The following PRKDC variants were observed in gnomAD, a reference collection of about 807,000 sequenced individuals.
PRKDC encodes the protein DNA-dependent protein kinase catalytic subunit.
Under a neutral mutation model 486.9 loss-of-function variants are expected in PRKDC, and 82 were observed. That is an observed-to-expected ratio of 0.17 (90% CI 0.14 to 0.20). The LOEUF is 0.20. Ranked by LOEUF, PRKDC falls within the 10% of genes least tolerant of loss-of-function variation. The probability of loss-of-function intolerance (pLI) is 1.00; values close to 1 mark genes in which losing one functional copy is unlikely to be tolerated. For synonymous variants in PRKDC, 1,895 were observed against 1,837.0 expected (o/e 1.03, Z -0.81); for missense variants, 4,504 against 5,038.2 (o/e 0.89, Z 3.21).
At chr8:47,851,563 C>T (rs899379749) in intron 52 of PRKDC, among the ~76,000 whole-genome samples, 1 of 152,214 alleles carries the variant, frequency 6.6e-6, no homozygotes, top group Non-Finnish European at 1.5e-5. Flanking sequence ...TGAGCCTCTC[C>T]TCATCCAGCC....
chr8:47,848,898 C>A (rs2088336218), intron 54 of PRKDC, among the ~76,000 whole-genome samples: 1 of 152,144 alleles, frequency 6.6e-6, no homozygotes, highest in Non-Finnish European at 1.5e-5. Context: ...ACCCCATAGG[C>A]CACCTCCTTC....
In PRKDC at chr8:47,935,740, C is replaced by G; in HGVS notation, c.1439G>C (p.Ser480Thr). Residue 480 changes from serine to threonine, a missense_variant, in exon 13 of 86, where the codon AGT (serine) becomes ACT (threonine). Physicochemically the swap from Ser to Thr is moderately conservative, Grantham distance 58 (BLOSUM62 1). This residue lies in a region of PRKDC where 1,969 missense variants were observed against 2,068.9 expected (regional missense o/e 0.95). Coordinates refer to ENST00000314191, the MANE Select transcript of PRKDC (RefSeq NM_006904.7). ...AKGPVLRNCI[S>T]TVVHQGLIRI... ...ATAAATTGCAAACTTACCCACAGTACTAATGCAATTCCTGAGAACTGGCCC... is the reference window on the plus strand; with the variant it reads ...ATAAATTGCAAACTTACCCACAGTAGTAATGCAATTCCTGAGAACTGGCCC... 1 of 1,613,774 alleles carries G rather than the reference C, an allele frequency of 6.2e-7. No individual in the cohort carries two copies. The highest frequency in any genetic ancestry group is 8.5e-7 in the Non-Finnish European group (1 of 1,179,804).
rs56080897 is a variant in PRKDC at position 47,890,319 on chromosome 8, C to T, written c.4009G>A (p.Val1337Ile). Residue 1337 changes from valine (V) to isoleucine (I), a missense_variant, in exon 32 of 86, where the codon GTT becomes ATT. This residue lies in a region of PRKDC where 1,969 missense variants were observed against 2,068.9 expected (regional missense o/e 0.95). Coordinates refer to ENST00000314191, the MANE Select transcript of PRKDC (RefSeq NM_006904.7). ...GTAAACTCCATAATCCGGACCACAA[C>T]GGTGCATTTGCTGTAGTTGTACCTT... ...GERYNYSKCT[V>I]VVRIMEFTTT... The T allele has an allele frequency of 1.6e-3, 2,620 of 1,613,286 alleles. 3 individuals are homozygous for T. Among genetic ancestry groups the T allele is most frequent in the Non-Finnish European group, 2.0e-3 (2,408 of 1,179,826 alleles).
intron 39 of PRKDC, among the ~76,000 whole-genome samples, chr8:47,878,103 G>GTTTT (rs1279419423): frequency 7.9e-6 from 1 of 126,592 alleles, no homozygotes; most frequent in Non-Finnish European, 1.7e-5. Context: ...TTTTTTTTAG[G>GTTTT]TTTTTTTTTT....
chr8:47,933,083 G>A lies in PRKDC; in HGVS notation c.1713C>T (p.Ser571=), dbSNP rs373088662. The part of the protein sequence containing the change: ...NHLLYDEFVK[S]VLKIVEKLDL... ...CCAATTTCTCAACAATCTTCAAAAC[G>A]GATTTTACAAATTCATCATAAAGTA... Residue 571 remains serine, a synonymous_variant, in exon 16 of 86, where the codon TCC becomes TCT. Transcript: ENST00000314191. The A allele has an allele frequency of 2.0e-5, 32 of 1,588,120 alleles. No homozygotes were observed. The highest frequency in any genetic ancestry group is 2.5e-5 in the Non-Finnish European group (29 of 1,168,998).
intron 76 of PRKDC, among the ~76,000 whole-genome samples, chr8:47,788,261 C>A (rs958251121): frequency 2.6e-5 from 4 of 152,160 alleles, no homozygotes; most frequent in African/African-American, 9.7e-5. Flanking sequence ...GACGCCAAGC[C>A]CAAGGGCAAG....
chr8:47,832,000 G>T, intron 59 of PRKDC, 74 bp from the exon 60 acceptor site: 2 of 1,387,798 alleles, frequency 1.4e-6, no homozygotes, highest in Non-Finnish European at 2.0e-6. Context: ...TTTCACCTCG[G>T]GTTTCCTCAA....
chr8:47,874,345 C>G (rs2089039386), intron 40 of PRKDC, among the ~76,000 whole-genome samples: 3 of 152,100 alleles, frequency 2.0e-5, no homozygotes. Context: ...TCACCCTGAC[C>G]TGATTACACA....
chr8:47,822,045 G>A (rs1589720741), intron 64 of PRKDC, among the ~76,000 whole-genome samples: 2 of 152,328 alleles, frequency 1.3e-5, no homozygotes, highest in East Asian at 3.9e-4. Context: ...CACTGTGGGA[G>A]GCTAACGCAC....
Position 47,912,467 on chromosome 8 carries a change from G to A in PRKDC, c.2877C>T (p.Tyr959=). ...CAGGAAACGTCCGCTTATAGAGCTG[G>A]TACATGGGTGGGGCTCCCTGTCCCC... ...PEGGQGAPPM[Y]QLYKRTFPVL... is the part of the protein sequence containing the mutation. Residue 959 remains tyrosine, a synonymous_variant, in exon 25 of 86, where the codon TAC becomes TAT. Transcript: ENST00000314191. The A allele has an allele frequency of 6.2e-7, 1 of 1,612,468 alleles. No homozygotes were observed. The highest frequency in any genetic ancestry group is 1.1e-5 in the South Asian group (1 of 90,776).
intron 40 of PRKDC, among the ~76,000 whole-genome samples, chr8:47,872,401 A>G (rs903712285): frequency 1.3e-5 from 2 of 152,142 alleles, no homozygotes; most frequent in Non-Finnish European, 2.9e-5. Flanking sequence ...CAGAAAACAA[A>G]TAACAAATGG....
intron 73 of PRKDC, 89 bp from the exon 74 acceptor site, chr8:47,794,590 CAGA>C: frequency 8.4e-7 from 1 of 1,196,044 alleles, no homozygotes; most frequent in Non-Finnish European, 1.2e-6. Flanking sequence ...AAAGAAAACT[CAGA>C]AGTATAAAAA....
chr8:47,835,878 C>T (rs2088010786), intron 58 of PRKDC, among the ~76,000 whole-genome samples: 1 of 151,956 alleles, frequency 6.6e-6, no homozygotes, highest in Non-Finnish European at 1.5e-5. Flanking sequence ...TTCCCCGCCT[C>T]AGCTTCCCCC....
chr8:47,933,228 T>G (rs1421220440), intron 15 of PRKDC, 56 bp from the exon 16 acceptor site: 11 of 1,353,334 alleles, frequency 8.1e-6, no homozygotes, highest in Non-Finnish European at 9.9e-6. Flanking sequence ...TGTATTAGTA[T>G]TTTATAAGCA....
chr8:47,809,843 G>A (rs550504477), intron 68 of PRKDC, among the ~76,000 whole-genome samples: 2 of 152,188 alleles, frequency 1.3e-5, no homozygotes, highest in South Asian at 4.1e-4. Flanking sequence ...CTATTGGGAT[G>A]AGCTTCCTGT....
chr8:47,775,124 T>C (rs559809853), intron 85 of PRKDC, among the ~76,000 whole-genome samples: 3 of 151,118 alleles, frequency 2.0e-5, no homozygotes, highest in African/African-American at 7.3e-5. Flanking sequence ...GAGGTGGGGG[T>C]TGCAGTGAGT....
rs529999429 is a variant in PRKDC at position 47,881,957 on chromosome 8, G to A, written c.4917C>T (p.Leu1639=). The A allele has an allele frequency of 6.2e-6, 10 of 1,613,530 alleles. No homozygotes were observed. The highest frequency in any genetic ancestry group is 5.5e-5 in the South Asian group (5 of 90,968). Residue 1639 remains leucine (L), a synonymous_variant, in exon 37 of 86, where the codon CTC becomes CTT. Coordinates refer to ENST00000314191, the MANE Select transcript of PRKDC (RefSeq NM_006904.7). ...AGGCCAGCACTGCCATTTTAGTTTC[G>A]AGAGGGGAATCTTTGGCCCACCATG... The part of the protein sequence containing the change: ...CDSWWAKDSP[L]ETKMAVLALL...
intron 45 of PRKDC, among the ~76,000 whole-genome samples, chr8:47,860,072 A>ATAAT (rs2088641421): frequency 6.6e-6 from 1 of 152,224 alleles, no homozygotes; most frequent in Non-Finnish European, 1.5e-5. Context: ...TTGCCCATTA[A>ATAAT]GTCTAACAAA....
At chr8:47,937,709 T>G (rs1443618083) in intron 11 of PRKDC, among the ~76,000 whole-genome samples, 1 of 152,206 alleles carries the variant, frequency 6.6e-6, no homozygotes, top group East Asian at 1.9e-4. Context: ...TAGATCACTG[T>G]GTAAAGGGAA....
Sources: gnomAD v4.1 joint callset for allele counts (sites outside exome capture counted in the v4.1 genomes callset) on GRCh38, gnomAD v4.1.1 for gene constraint, gnomAD v4.1.1 regional missense constraint, MANE v1.5 for transcripts, NCBI Gene and HGNC (gene_info 2026-07-23, HGNC 2026-07-21) for gene names.